Variants in OXR1 observed in about 807,000 individuals in gnomAD.
OXR1 encodes the protein oxidation resistance 1.
OXR1 carries 41 observed loss-of-function variants against 104.6 expected under a neutral mutation model. The ratio of observed to expected loss-of-function variants is 0.39; its 90% CI spans 0.31 to 0.51. OXR1 has a LOEUF of 0.51. Among genes scored for constraint, OXR1 ranks in the 20% least tolerant of loss-of-function variants. The probability of loss-of-function intolerance (pLI) is 0.77; values close to 1 mark genes in which losing one functional copy is unlikely to be tolerated. For synonymous variants in OXR1, 348 were observed against 348.4 expected (o/e 1.00, Z 0.01); for missense variants, 955 against 1,031.9 (o/e 0.93, Z 1.02).
chr8:106,414,434 A>G (rs909383541), intron 2 of OXR1, among the ~76,000 whole-genome samples: 3 of 152,128 alleles, frequency 2.0e-5, no homozygotes, highest in Admixed American at 1.3e-4. Context: ...TGACACGATT[A>G]TTATATATGG....
chr8:106,649,553 T>C (rs1824372853), intron 3 of OXR1, among the ~76,000 whole-genome samples: 1 of 149,884 alleles, frequency 6.7e-6, no homozygotes, highest in Non-Finnish European at 1.5e-5. Context: ...TTCTACTTTT[T>C]TGGAAAAAAA....
intron 2 of OXR1, among the ~76,000 whole-genome samples, chr8:106,493,060 T>G (rs1321125545): frequency 6.6e-6 from 1 of 152,300 alleles, no homozygotes. Flanking sequence ...TTTAAAAAAA[T>G]TGAACTAGTA....
chr8:106,307,570 T>G (rs368101555), intron 1 of OXR1, among the ~76,000 whole-genome samples: 16 of 152,076 alleles, frequency 1.1e-4, no homozygotes, highest in East Asian at 7.7e-4. Context: ...TCCTTTTTTT[T>G]TTGTTGTTCT....
At chr8:106,701,933 G>A (rs1329562013) in intron 7 of OXR1, among the ~76,000 whole-genome samples, 1 of 152,106 alleles carries the variant, frequency 6.6e-6, no homozygotes, top group African/African-American at 2.4e-5. Context: ...AAGTAAGAAG[G>A]TTAAACTTTT....
At chr8:106,551,813 T>TATAC (rs1164184956) in intron 3 of OXR1, among the ~76,000 whole-genome samples, 124 of 95,976 alleles carry the variant, frequency 1.3e-3, no homozygotes, top group Middle Eastern at 0.011. Context: ...TATATATATA[T>TATAC]ACACACACAC....
At chr8:106,380,339 A>T (rs1230245118) in intron 2 of OXR1, among the ~76,000 whole-genome samples, 1 of 152,136 alleles carries the variant, frequency 6.6e-6, no homozygotes, top group Admixed American at 6.6e-5. Context: ...CATTGAATGG[A>T]TATACCATAC....
At chr8:106,557,331 T>A (rs1157382083) in intron 3 of OXR1, among the ~76,000 whole-genome samples, 1 of 152,174 alleles carries the variant, frequency 6.6e-6, no homozygotes, top group Non-Finnish European at 1.5e-5. Flanking sequence ...AGCTGTAAGG[T>A]AATGTTCAGG....
chr8:106,711,495 T>G (rs573512896), intron 10 of OXR1, among the ~76,000 whole-genome samples: 10 of 152,282 alleles, frequency 6.6e-5, no homozygotes, highest in Non-Finnish European at 1.5e-4. Flanking sequence ...CCATTATAGT[T>G]CTTTGCAACA....
At chr8:106,326,732 C>T (rs919618766) in intron 1 of OXR1, among the ~76,000 whole-genome samples, 9 of 152,212 alleles carry the variant, frequency 5.9e-5, no homozygotes, top group African/African-American at 2.2e-4. Flanking sequence ...ATGCCTGGAA[C>T]ATTTGAGGAA....
At chr8:106,442,827 C>T (rs892565012) in intron 2 of OXR1, among the ~76,000 whole-genome samples, 5 of 152,050 alleles carry the variant, frequency 3.3e-5, no homozygotes, top group East Asian at 3.9e-4. Flanking sequence ...GTCTAGCTAT[C>T]GGTCTATCTA....
intron 2 of OXR1, among the ~76,000 whole-genome samples, chr8:106,392,651 A>C (rs1284499408): frequency 2.0e-5 from 3 of 152,164 alleles, no homozygotes; most frequent in Non-Finnish European, 4.4e-5. Context: ...AATGGGTGGG[A>C]ATTTCATATT....
chr8:106,682,201 T>C (rs998102142), intron 4 of OXR1, among the ~76,000 whole-genome samples: 5 of 152,118 alleles, frequency 3.3e-5, no homozygotes, highest in Non-Finnish European at 7.4e-5. Flanking sequence ...TCCAACTAGA[T>C]TGTAAATTCC....
chr8:106,605,659 G>A (rs1022295928), intron 3 of OXR1, among the ~76,000 whole-genome samples: 98 of 150,568 alleles, frequency 6.5e-4, no homozygotes, highest in African/African-American at 2.2e-3. Context: ...AAAATTAGGC[G>A]GGCATGGTGG....
intron 1 of OXR1, among the ~76,000 whole-genome samples, chr8:106,327,170 C>T (rs1364455197): frequency 2.0e-5 from 3 of 152,036 alleles, no homozygotes; most frequent in Admixed American, 6.6e-5. Flanking sequence ...ATGGTTAGCT[C>T]ATTGTTTTCT....
intron 7 of OXR1, among the ~76,000 whole-genome samples, chr8:106,699,791 C>A (rs1280610450): frequency 6.6e-6 from 1 of 152,152 alleles, no homozygotes. Flanking sequence ...GTGGTGCTTT[C>A]TCATGGAAGT....
intron 2 of OXR1, among the ~76,000 whole-genome samples, chr8:106,502,955 T>C (rs1811907839): frequency 6.6e-6 from 1 of 152,126 alleles, no homozygotes; most frequent in African/African-American, 2.4e-5. Flanking sequence ...AAAATTGAAA[T>C]TGGGGAAGGA....
In OXR1 at chr8:106,289,189, G is replaced by C. The variant is rs78385094; in HGVS notation, c.-139+18822G>C. On this transcript the variant is annotated intron_variant, in intron 1 of 16. Transcript: ENST00000517566. ...TCTTAGCCAAAGCAATCAGGCAAGA[G>C]GAAGAAATACAAGGCATCCAAATAG... Among the ~76,000 whole-genome samples, 40 of 152,274 alleles carry C rather than the reference G, an allele frequency of 2.6e-4. No individual in the cohort carries two copies. The East Asian group carries it at 7.3e-3, about 28-fold the overall frequency.
At chr8:106,398,835 C>T (rs62527978) in intron 2 of OXR1, among the ~76,000 whole-genome samples, 5,974 of 152,222 alleles carry the variant, frequency 0.039, 119 homozygotes, top group East Asian at 0.08. Context: ...AGAGTATAAA[C>T]ATAGCTATTT....
chr8:106,734,324 C>T (rs890726677), intron 11 of OXR1, among the ~76,000 whole-genome samples: 1 of 152,084 alleles, frequency 6.6e-6, no homozygotes, highest in African/African-American at 2.4e-5. Flanking sequence ...TTCAAGGATG[C>T]TGTTGTATGC....
Sources: gnomAD v4.1 joint callset for allele counts (sites outside exome capture counted in the v4.1 genomes callset) on GRCh38, gnomAD v4.1.1 for gene constraint, MANE v1.5 for transcripts, NCBI Gene and HGNC (gene_info 2026-07-23, HGNC 2026-07-21) for gene names.